The following SORCS2 variants were observed in gnomAD, a reference collection of about 807,000 sequenced individuals.
SORCS2 encodes sortilin related VPS10 domain containing receptor 2, also known as VPS10 domain-containing receptor SorCS2.
SORCS2 carries 100 observed loss-of-function variants against 141.6 expected under a neutral mutation model. The ratio of observed to expected loss-of-function variants is 0.71; its 90% CI spans 0.60 to 0.83. The LOEUF (loss-of-function observed/expected upper bound fraction) is 0.83, where lower values mean the gene tolerates loss of function less well. Ranked by LOEUF, SORCS2 falls within the 40% of genes least tolerant of loss-of-function variation. SORCS2 has a pLI of 0.00. For missense variants in SORCS2, 1,646 were observed against 1,560.2 expected, an observed-to-expected ratio of 1.05 and a Z score of -0.93; for synonymous variants, 789 against 676.9, an observed-to-expected ratio of 1.17 and a Z score of -2.57.
intron 1 of SORCS2, among the ~76,000 whole-genome samples, chr4:7,304,537 G>C (rs921384450): frequency 6.6e-6 from 1 of 152,214 alleles, no homozygotes; most frequent in African/African-American, 2.4e-5. Context: ...TGGGCTCCCT[G>C]ATATCCTCTG....
chr4:7,721,148 A>G (rs1726561381), intron 18 of SORCS2, among the ~76,000 whole-genome samples: 1 of 152,236 alleles, frequency 6.6e-6, no homozygotes, highest in African/African-American at 2.4e-5. Flanking sequence ...ACCATGCTGC[A>G]GTGAGAAGGA....
chr4:7,668,571 C>G (rs75047020), intron 8 of SORCS2, among the ~76,000 whole-genome samples: 2,527 of 152,278 alleles, frequency 0.017, 68 homozygotes, highest in African/African-American at 0.057. Flanking sequence ...TGGGCACCCT[C>G]AGACCTCTCC....
intron 1 of SORCS2, among the ~76,000 whole-genome samples, chr4:7,270,828 CACACCCCACTGG>C (rs1401768790): frequency 6.6e-6 from 1 of 152,260 alleles, no homozygotes; most frequent in African/African-American, 2.4e-5. Flanking sequence ...GTTAGAACCA[CACACCCCACTGG>C]GGAATGAAGT....
At chr4:7,723,606 A>C in intron 18 of SORCS2, 91 bp from the exon 19 acceptor site, 1 of 1,407,004 alleles carries the variant, frequency 7.1e-7, no homozygotes, top group South Asian at 1.2e-5. Context: ...GCAATGAATG[A>C]ATGAGTGAGT....
intron 2 of SORCS2, among the ~76,000 whole-genome samples, chr4:7,499,685 A>G (rs1292883066): frequency 3.6e-5 from 5 of 140,360 alleles, no homozygotes; most frequent in African/African-American, 1.6e-4. Context: ...CAGCTGAGCC[A>G]TGCCCCGGGA....
At chr4:7,733,509 A>G in intron 24 of SORCS2, 88 bp downstream of exon 24, 1 of 1,070,916 alleles carries the variant, frequency 9.3e-7, no homozygotes. Flanking sequence ...CCTCGGGCAG[A>G]TGGCCCGTAT....
At chr4:7,587,559 G>C (rs934591636) in intron 3 of SORCS2, among the ~76,000 whole-genome samples, 1 of 152,214 alleles carries the variant, frequency 6.6e-6, no homozygotes, top group South Asian at 2.1e-4. Flanking sequence ...CCCAAGGCAG[G>C]CCCAGGGTCT....
chr4:7,396,428 C>G, intron 2 of SORCS2, 73 bp downstream of exon 2: 2 of 1,513,542 alleles, frequency 1.3e-6, no homozygotes, highest in East Asian at 2.3e-5. Context: ...AGCTGAGGAC[C>G]GAGATCCAAA....
chr4:7,694,967 G>A (rs1724505807), intron 11 of SORCS2, among the ~76,000 whole-genome samples: 1 of 150,500 alleles, frequency 6.6e-6, no homozygotes, highest in African/African-American at 2.4e-5. Context: ...CTCCTCACAG[G>A]TCCACCGTCC....
chr4:7,535,863 T>A (rs558087543), intron 3 of SORCS2, among the ~76,000 whole-genome samples: 9 of 152,346 alleles, frequency 5.9e-5, no homozygotes, highest in African/African-American at 2.2e-4. Context: ...CCTGGTTCCC[T>A]CAGGCCCGGG....
chr4:7,252,085 C>T (rs1199579816), intron 1 of SORCS2, among the ~76,000 whole-genome samples: 1 of 152,194 alleles, frequency 6.6e-6, no homozygotes, highest in Non-Finnish European at 1.5e-5. Flanking sequence ...ACTCCCTGAC[C>T]CCTGCAGTAC....
intron 2 of SORCS2, among the ~76,000 whole-genome samples, chr4:7,401,959 C>A (rs62277575): frequency 0.15 from 22,372 of 152,082 alleles, 1,792 homozygotes; most frequent in Non-Finnish European, 0.18. Flanking sequence ...GGACACATGC[C>A]CAGGTACTCA....
intron 9 of SORCS2, among the ~76,000 whole-genome samples, chr4:7,678,081 A>G (rs1247841856): frequency 6.6e-6 from 1 of 152,194 alleles, no homozygotes; most frequent in Non-Finnish European, 1.5e-5. Flanking sequence ...CAGGCTGGGT[A>G]CAACACGCAC....
At chr4:7,694,724 C>T (rs546969094) in intron 11 of SORCS2, among the ~76,000 whole-genome samples, 1 of 152,294 alleles carries the variant, frequency 6.6e-6, no homozygotes, top group African/African-American at 2.4e-5. Flanking sequence ...CAGCAGCCAT[C>T]GCTCAGCACC....
chr4:7,252,490 T>A (rs537670523), intron 1 of SORCS2, among the ~76,000 whole-genome samples: 1 of 152,374 alleles, frequency 6.6e-6, no homozygotes, highest in African/African-American at 2.4e-5. Context: ...ATGGTTGAAC[T>A]TTTTCATTGA....
intron 1 of SORCS2, among the ~76,000 whole-genome samples, chr4:7,297,413 TCCCCCA>T (rs1265762379): frequency 2.0e-5 from 3 of 151,574 alleles, no homozygotes; most frequent in Admixed American, 6.5e-5. Context: ...CCCCCGCCCC[TCCCCCA>T]CCCCCACCCC....
At chr4:7,723,928 A>G in intron 19 of SORCS2, 45 bp downstream of exon 19, 2 of 1,523,354 alleles carry the variant, frequency 1.3e-6, no homozygotes, top group Admixed American at 4.3e-5. Context: ...TCCCTTTGAG[A>G]GAGAGAACCT....
intron 20 of SORCS2, 41 bp from the exon 21 acceptor site, chr4:7,726,739 C>T (rs1430124399): frequency 6.2e-7 from 1 of 1,601,926 alleles, no homozygotes. Context: ...CGGCCGCTGC[C>T]TCACTCGGCC....
intron 3 of SORCS2, among the ~76,000 whole-genome samples, chr4:7,607,517 A>T (rs1718137308): frequency 6.6e-6 from 1 of 152,108 alleles, no homozygotes; most frequent in African/African-American, 2.4e-5. Context: ...ACCTGGTGTT[A>T]CAGCGATGGC....
Sources: allele counts gnomAD v4.1 joint callset (sites outside exome capture counted in the v4.1 genomes callset), GRCh38; gene constraint gnomAD v4.1.1; transcripts MANE v1.5; gene names NCBI Gene and HGNC (gene_info 2026-07-23, HGNC 2026-07-21).